Variants in CAMK2B observed in about 807,000 individuals in gnomAD.
CAMK2B encodes calcium/calmodulin dependent protein kinase II beta, also known as calcium/calmodulin-dependent protein kinase type II subunit beta.
CAMK2B carries 27 observed loss-of-function variants against 93.7 expected under a neutral mutation model. The observed-to-expected ratio is 0.29, with a 90% CI of 0.21 to 0.40. CAMK2B has a LOEUF of 0.40. Ranked by LOEUF, CAMK2B falls within the 10% of genes least tolerant of loss-of-function variation. CAMK2B has a pLI of 1.00. For missense variants in CAMK2B, 568 were observed against 895.8 expected, an observed-to-expected ratio of 0.63 and a Z score of 4.67; for synonymous variants, 374 against 358.8, an observed-to-expected ratio of 1.04 and a Z score of -0.48.
At chr7:44,242,042 G>A (rs2096684676) in intron 10 of CAMK2B, among the ~76,000 whole-genome samples, 176 bp downstream of exon 10, 1 of 152,198 alleles carries the variant, frequency 6.6e-6, no homozygotes. Context: ...CAAGCCCCAG[G>A]CCTCACAAAC....
At chr7:44,321,911 C>T (rs1796174285) in intron 1 of CAMK2B, among the ~76,000 whole-genome samples, 1 of 152,250 alleles carries the variant, frequency 6.6e-6, no homozygotes, top group Non-Finnish European at 1.5e-5. Context: ...TGAGTGGACA[C>T]TGCAGGGAGA....
At chr7:44,234,702 T>C (rs2096609710) in intron 13 of CAMK2B, 26 bp from the exon 14 acceptor site, 5 of 1,612,834 alleles carry the variant, frequency 3.1e-6, no homozygotes, top group Non-Finnish European at 4.2e-6. Context: ...GAAGAAGGTA[T>C]GGTGAGTGAT....
intron 15 of CAMK2B, among the ~76,000 whole-genome samples, chr7:44,233,607 G>A (rs1469804768): frequency 6.6e-6 from 1 of 152,110 alleles, no homozygotes; most frequent in Non-Finnish European, 1.5e-5. Flanking sequence ...CAGCTGAGGG[G>A]ACACAGCACA....
chr7:44,262,745 G>A (rs56346434), intron 3 of CAMK2B, among the ~76,000 whole-genome samples: 7,286 of 152,214 alleles, frequency 0.048, 256 homozygotes, highest in Non-Finnish European at 0.078. Flanking sequence ...CTGTCCAGTC[G>A]GGTGGAGCTG....
At chr7:44,316,969 A>G (rs1483644449) in intron 1 of CAMK2B, among the ~76,000 whole-genome samples, 1 of 152,060 alleles carries the variant, frequency 6.6e-6, no homozygotes, top group Admixed American at 6.5e-5. Context: ...CTTCTTAATT[A>G]TTCTCAGAGG....
At chr7:44,221,066 G>C (rs891347596) in intron 20 of CAMK2B, 165 bp from the exon 21 acceptor site, 2 of 594,218 alleles carry the variant, frequency 3.4e-6, no homozygotes, top group Non-Finnish European at 6.0e-6. Context: ...TGCATCACCA[G>C]TGGCTTCCTC....
chr7:44,275,764 G>A (rs1205150364), intron 2 of CAMK2B, among the ~76,000 whole-genome samples: 1 of 152,112 alleles, frequency 6.6e-6, no homozygotes, highest in African/African-American at 2.4e-5. Context: ...CCCCTGGGAG[G>A]GGCAGGCATG....
At chr7:44,302,676 C>CA (rs1790399286) in intron 1 of CAMK2B, among the ~76,000 whole-genome samples, 1 of 151,896 alleles carries the variant, frequency 6.6e-6, no homozygotes, top group Admixed American at 6.6e-5. Flanking sequence ...TCAATACATG[C>CA]AAAAAAAGAA....
intron 1 of CAMK2B, among the ~76,000 whole-genome samples, chr7:44,315,673 A>G (rs1794683617): frequency 6.6e-6 from 1 of 152,224 alleles, no homozygotes; most frequent in Non-Finnish European, 1.5e-5. Context: ...CTATTTAACA[A>G]TATTAAATAT....
intron 17 of CAMK2B, chr7:44,229,711 G>A: frequency 2.2e-6 from 1 of 460,182 alleles, no homozygotes; most frequent in Non-Finnish European, 3.8e-6. Context: ...AGCCAACACG[G>A]GACCGGTGCC....
intron 2 of CAMK2B, among the ~76,000 whole-genome samples, chr7:44,276,960 A>G (rs2097051388): frequency 6.6e-6 from 1 of 152,188 alleles, no homozygotes; most frequent in Admixed American, 6.5e-5. Flanking sequence ...CGATGATGCC[A>G]GGAGCTCCAC....
chr7:44,228,798 G>A lies in CAMK2B; in HGVS notation c.1466C>T (p.Pro489Leu), dbSNP rs555460132. 157 of 1,488,664 alleles carry A rather than the reference G, an allele frequency of 1.1e-4. No homozygotes were observed. Among genetic ancestry groups the A allele is most frequent in the South Asian group, 5.8e-4 (42 of 72,644 alleles). 92.2% of individuals were successfully genotyped at this position (1,488,664 alleles called of 1,614,324 possible). A position where few individuals can be genotyped will look rare whatever the true frequency, so the allele number is the denominator to read the frequency against. ...CAGGCCTGGGGGCCACTACTTACAC[G>A]GGGAGGACAGGGGGCCTAGGAGAGC... ...SPALLGPLSS[P>L]SPRISDILNS... Residue 489 changes from proline (P) to leucine (L), a missense_variant and splice_region_variant, in exon 19 of 24, where the codon CCG becomes CTG. Physicochemically the swap from Pro to Leu is moderately conservative, Grantham distance 98. Around this residue, in one of 4 missense-constraint regions of CAMK2B, gnomAD observed 308 missense variants for 292.1 expected, o/e 1.05. Transcript: ENST00000395749.
intron 1 of CAMK2B, among the ~76,000 whole-genome samples, chr7:44,316,294 ATGTT>A (rs558683448): frequency 8.5e-5 from 13 of 152,150 alleles, no homozygotes; most frequent in African/African-American, 2.4e-4. Flanking sequence ...TATAGTTTCA[ATGTT>A]TGTTCTATCA....
At position 44,234,315 on chromosome 7, in the gene CAMK2B, C is replaced by T; in HGVS notation, c.1131+75G>A. 4.5e-6 allele frequency: 6 copies of T among 1,342,976 alleles called. No individual in the cohort carries two copies. The South Asian group carries it at 7.6e-5, about 17-fold the overall frequency. The allele number at this position is 1,342,976 out of a possible 1,614,324, so 83.2% of individuals were successfully genotyped here. On this transcript the variant is annotated intron_variant, in intron 15 of 23. Transcript: ENST00000395749. ...GGGCCAGACCCCACCTTCACCCGGC[C>T]CCCTCTGACCAGCGGCAATCACACA...
chr7:44,289,853 C>T (rs1356561218), intron 1 of CAMK2B, among the ~76,000 whole-genome samples: 1 of 152,218 alleles, frequency 6.6e-6, no homozygotes, highest in East Asian at 1.9e-4. Flanking sequence ...TCGGCCCACT[C>T]AACGCTTGGA....
chr7:44,245,324 G>A (rs1172909926), intron 6 of CAMK2B, among the ~76,000 whole-genome samples: 1 of 152,134 alleles, frequency 6.6e-6, no homozygotes, highest in Non-Finnish European at 1.5e-5. Context: ...AGTGGGGTGA[G>A]AGCAACCCCA....
At chr7:44,265,885 A>G (rs745633618) in intron 2 of CAMK2B, among the ~76,000 whole-genome samples, 2 of 151,910 alleles carry the variant, frequency 1.3e-5, no homozygotes, top group African/African-American at 2.4e-5. Flanking sequence ...CTTGGAAACC[A>G]TAAACCATGA....
chr7:44,242,352 A>T lies in CAMK2B; in HGVS notation c.697-12T>A. ...TCAGGGGACGGGAACTGCAGAAGGA[A>T]ACAGCGCCCCGGCCGGGCCTGAAGC... On this transcript the variant is annotated splice_polypyrimidine_tract_variant and intron_variant, in intron 9 of 23. Coordinates refer to ENST00000395749, the MANE Select transcript of CAMK2B (RefSeq NM_001220.5). 6.2e-7 allele frequency: 1 copy of T among 1,611,228 alleles called. No homozygotes were observed. The highest frequency in any genetic ancestry group is 8.5e-7 in the Non-Finnish European group (1 of 1,178,322).
At chr7:44,263,257 G>A (rs1301442029) in intron 2 of CAMK2B, among the ~76,000 whole-genome samples, 193 bp from the exon 3 acceptor site, 2 of 152,212 alleles carry the variant, frequency 1.3e-5, no homozygotes, top group South Asian at 2.1e-4. Flanking sequence ...GGGACCAGCC[G>A]GCTTGTGTTT....
Sources: gnomAD v4.1 joint callset for allele counts (sites outside exome capture counted in the v4.1 genomes callset) on GRCh38, gnomAD v4.1.1 for gene constraint, gnomAD v4.1.1 regional missense constraint, MANE v1.5 for transcripts, NCBI Gene and HGNC (gene_info 2026-07-23, HGNC 2026-07-21) for gene names.